The following GALNT15 variants were observed in gnomAD, a reference collection of about 807,000 sequenced individuals.
GALNT15 encodes UDP-GalNAc transferase T15.
Under a neutral mutation model 66.8 loss-of-function variants are expected in GALNT15, and 67 were observed. That is an observed-to-expected ratio of 1.00 (90% CI 0.82 to 1.23). The LOEUF is 1.23. Among genes scored for constraint, GALNT15 ranks in the 50% most tolerant of loss-of-function variants. GALNT15 has a pLI of 0.00. For synonymous variants in GALNT15, 313 were observed against 311.5 expected (o/e 1.00, Z -0.05); for missense variants, 827 against 804.3 (o/e 1.03, Z -0.34).
rs551187633 is a variant in GALNT15 at position 16,200,976 on chromosome 3, TAA to T, written c.911+154_911+155del. Among the ~76,000 whole-genome samples, 705 of 152,282 alleles carry T rather than the reference TAA, an allele frequency of 4.6e-3. 5 individuals are homozygous for T. The highest frequency in any genetic ancestry group is 0.01 in the Middle Eastern group (3 of 294). On this transcript the variant is annotated intron_variant, in intron 3 of 9. Coordinates refer to ENST00000339732, the MANE Select transcript of GALNT15 (RefSeq NM_054110.5). This position sits in a 1 kb window ranked among gnomAD's most constrained non-coding sequence, Gnocchi z 4.4. ...CGGGTTTTCAGATGTGTAAGTTTTTTAAGACTATAGAGTTAGAGTTGGAAAGG... is the reference window on the plus strand; with the variant it reads ...CGGGTTTTCAGATGTGTAAGTTTTTTGACTATAGAGTTAGAGTTGGAAAGG...
chr3:16,216,565 T>A (rs1008963517), intron 6 of GALNT15, among the ~76,000 whole-genome samples: 1 of 151,498 alleles, frequency 6.6e-6, no homozygotes, highest in East Asian at 1.9e-4. Context: ...CAGGGCCAAG[T>A]GGGGGACTTG....
rs1218268641 is a variant in GALNT15 at position 16,209,395 on chromosome 3, AC to A, written c.1079+728del. 6.6e-6 allele frequency among the ~76,000 whole-genome samples: 1 copy of A among 152,106 alleles called. No homozygotes were observed. The highest frequency in any genetic ancestry group is 1.5e-5 in the Non-Finnish European group (1 of 68,014). ...AGTGAGAGGTGAATCCAGAATTTAA[AC>A]CCAGACAGCCAGGCCCTTGAGACGA... On this transcript the variant is annotated intron_variant, in intron 4 of 9. Coordinates refer to ENST00000339732, the MANE Select transcript of GALNT15 (RefSeq NM_054110.5). This position sits in a 1 kb window ranked among gnomAD's most constrained non-coding sequence, Gnocchi z 4.1.
Position 16,220,029 on chromosome 3 carries a change from T to C in GALNT15, c.1629+15T>C, listed in dbSNP as rs1559692800. 1.9e-6 allele frequency: 3 copies of C among 1,585,718 alleles called. No homozygotes were observed. The South Asian group carries it at 3.3e-5, about 18-fold the overall frequency. The stretch of plus-strand genomic sequence containing the variant: ...GGCAGCAACAGGTGGGTAGTCAGAC[T>C]TCTCAGGATGGATGATAGCCCAAGA... On this transcript the variant is annotated intron_variant, in intron 8 of 9. Coordinates refer to ENST00000339732, the MANE Select transcript of GALNT15 (RefSeq NM_054110.5).
chr3:16,221,786 G>T (rs56338451), intron 8 of GALNT15, among the ~76,000 whole-genome samples: 6,411 of 152,234 alleles, frequency 0.042, 227 homozygotes, highest in African/African-American at 0.093. Flanking sequence ...TCTAATATGG[G>T]CTTAGGTTCA....
chr3:16,222,515 C>T (rs2063953632), intron 8 of GALNT15, 100 bp from the exon 9 acceptor site: 3 of 1,398,298 alleles, frequency 2.1e-6, no homozygotes, highest in Non-Finnish European at 3.0e-6. Flanking sequence ...CTGAAGATTG[C>T]CCCTAGACCT....
downstream of GALNT15, among the ~76,000 whole-genome samples, chr3:16,232,642 T>C (rs1267893371): frequency 6.7e-6 from 1 of 149,930 alleles, no homozygotes; most frequent in East Asian, 2.0e-4. Context: ...GAAACAAATA[T>C]AAAAAGAGCA....
rs2063736419 is a variant in GALNT15, at chr3:16,204,434, T to C, written c.911+3611T>C. The stretch of plus-strand genomic sequence containing the variant: ...CACAGTGCGCAACTCCTGTAACTGT[T>C]CATAGCAACCCTACATAGAGTCTCC... On this transcript the variant is annotated intron_variant, in intron 3 of 9. Coordinates refer to ENST00000339732, the MANE Select transcript of GALNT15 (RefSeq NM_054110.5). The surrounding 1 kb of genome is among the most constrained non-coding windows in gnomAD (Gnocchi z 4.5). 6.6e-6 allele frequency among the ~76,000 whole-genome samples: 1 copy of C among 152,210 alleles called. No homozygotes were observed. The highest frequency in any genetic ancestry group is 2.4e-5 in the African/African-American group (1 of 41,454).
rs942049168 is a variant in GALNT15 at position 16,181,309 on chromosome 3, A to G, written c.539+5619A>G. On this transcript the variant is annotated intron_variant, in intron 1 of 9. Coordinates refer to ENST00000339732, the MANE Select transcript of GALNT15 (RefSeq NM_054110.5). The surrounding 1 kb of genome is among the most constrained non-coding windows in gnomAD (Gnocchi z 5.9). ...GGTCTGGGGTGAGGCCTGGGCACCA[A>G]GAGCTTAAAACTCCCCAGGTGGTTC... Among the ~76,000 whole-genome samples the G allele has an allele frequency of 1.3e-5, 2 of 152,174 alleles. No individual in the cohort carries two copies. Among genetic ancestry groups the G allele is most frequent in the Non-Finnish European group, 2.9e-5 (2 of 68,038 alleles).
Position 16,219,495 on chromosome 3 carries a change from G to A in GALNT15, c.1485G>A (p.Glu495=), listed in dbSNP as rs762353916. ...GGTTTCTGGCTAATGTCTACCCTGA[G>A]CTGTACCCATCTGAACCCAGGCCCA... ...FHWFLANVYP[E]LYPSEPRPSF... is the part of the protein sequence containing the mutation. The change falls in exon 7 of 10, where the codon GAG becomes GAA. Residue 495 remains glutamate (E), a synonymous_variant. Coordinates refer to ENST00000339732, the MANE Select transcript of GALNT15 (RefSeq NM_054110.5). This position sits in a 1 kb window ranked among gnomAD's most constrained non-coding sequence, Gnocchi z 4.3. 9.9e-6 allele frequency: 16 copies of A among 1,614,244 alleles called. No homozygotes were observed. The highest frequency in any genetic ancestry group is 1.4e-5 in the Non-Finnish European group (16 of 1,180,044).
intron 1 of GALNT15, among the ~76,000 whole-genome samples, chr3:16,178,791 C>T (rs899908758): frequency 7.9e-5 from 12 of 152,206 alleles, no homozygotes; most frequent in East Asian, 3.8e-4. Context: ...GGCCCTGCAC[C>T]GCTGCTTTCC....
intron 3 of GALNT15, among the ~76,000 whole-genome samples, chr3:16,206,533 C>T (rs558380635): frequency 8.6e-5 from 13 of 151,660 alleles, no homozygotes; most frequent in Middle Eastern, 3.4e-3. Context: ...ATTAGCCGGG[C>T]GTTGTGGCGG....
At chr3:16,218,067 T>A (rs1411026026) in intron 6 of GALNT15, among the ~76,000 whole-genome samples, 2 of 152,214 alleles carry the variant, frequency 1.3e-5, no homozygotes, top group African/African-American at 4.8e-5. Context: ...AACAACTGTA[T>A]CATCTCTGGG....
Position 16,227,806 on chromosome 3 carries a change from T to G in GALNT15, c.*306T>G. 1 of 1,124,930 alleles carries G rather than the reference T, an allele frequency of 8.9e-7. No individual in the cohort carries two copies. Among genetic ancestry groups the G allele is most frequent in the Non-Finnish European group, 1.1e-6 (1 of 918,648 alleles). The allele number at this position is 1,124,930 out of a possible 1,614,324, so 69.7% of individuals were successfully genotyped here. ...TCCACTGAGCACTTAACAATTGCTT[T>G]CTCTCTGGCCTGGACATTCTCTGGC... is the stretch of plus-strand genomic sequence containing the variant. On this transcript the variant is annotated 3_prime_UTR_variant, in exon 10 of 10. Transcript: ENST00000339732. The surrounding 1 kb of genome is among the most constrained non-coding windows in gnomAD (Gnocchi z 4.5).
rs200728312 is a variant in GALNT15, at chr3:16,175,450, C to A, written c.299C>A (p.Ala100Asp). 23 of 1,614,132 alleles carry A rather than the reference C, an allele frequency of 1.4e-5. No individual in the cohort carries two copies. The highest frequency in any genetic ancestry group is 7.7e-5 in the South Asian group (7 of 91,082). ...LREDQLLVAV[A>D]LPQARRNQSQ... is the part of the protein sequence containing the mutation. ...GAGGATCAGCTGCTGGTGGCCGTGGCCTTACCCCAGGCCAGAAGGAACCAG... is the reference window on the plus strand; with the variant it reads ...GAGGATCAGCTGCTGGTGGCCGTGGACTTACCCCAGGCCAGAAGGAACCAG... Residue 100 changes from alanine to aspartate, a missense_variant, in exon 1 of 10, where the codon GCC (alanine) becomes GAC (aspartate). By Grantham distance (126) the Ala-to-Asp change is moderately radical (BLOSUM62 -2). Coordinates refer to ENST00000339732, the MANE Select transcript of GALNT15 (RefSeq NM_054110.5). The surrounding 1 kb of genome is among the most constrained non-coding windows in gnomAD (Gnocchi z 5.6).
intron 4 of GALNT15, among the ~76,000 whole-genome samples, chr3:16,210,827 G>C (rs569975702): frequency 7.0e-4 from 107 of 152,340 alleles, no homozygotes; most frequent in Non-Finnish European, 1.3e-3. Context: ...TTTCCAGAGG[G>C]ACTCAAGCCA....
rs190464993 is a variant in GALNT15 at position 16,179,774 on chromosome 3, G to A, written c.539+4084G>A. ...AAATGGTTGTGCTGTGGGAAAGGGA[G>A]GGTCCTCGGGGCAGAGGTGGGGATA... On this transcript the variant is annotated intron_variant, in intron 1 of 9. Coordinates refer to ENST00000339732, the MANE Select transcript of GALNT15 (RefSeq NM_054110.5). 6.4e-4 allele frequency among the ~76,000 whole-genome samples: 98 copies of A among 152,354 alleles called. 1 individual carries two copies. The highest frequency in any genetic ancestry group is 4.8e-3 in the Admixed American group (73 of 15,298).
chr3:16,194,032 A>G (rs1343971440), intron 1 of GALNT15, among the ~76,000 whole-genome samples: 1 of 152,188 alleles, frequency 6.6e-6, no homozygotes, highest in Non-Finnish European at 1.5e-5. Context: ...GGGAAATGCA[A>G]ACACCCCTGC....
In GALNT15 at chr3:16,193,358, C is replaced by T. The variant is rs1484453694; in HGVS notation, c.540-2402C>T. On this transcript the variant is annotated intron_variant, in intron 1 of 9. Coordinates refer to ENST00000339732, the MANE Select transcript of GALNT15 (RefSeq NM_054110.5). This position sits in a 1 kb window ranked among gnomAD's most constrained non-coding sequence, Gnocchi z 4.7. ...TTTACTTATATTCCTCAGCTCCTGA[C>T]TTTTCTTCCTTATTTTTATTTTACC... Among the ~76,000 whole-genome samples the T allele has an allele frequency of 6.6e-6, 1 of 152,126 alleles. No individual in the cohort carries two copies. Among genetic ancestry groups the T allele is most frequent in the Non-Finnish European group, 1.5e-5 (1 of 68,012 alleles).
At chr3:16,194,507 C>A (rs1043186403) in intron 1 of GALNT15, among the ~76,000 whole-genome samples, 2 of 152,158 alleles carry the variant, frequency 1.3e-5, no homozygotes, top group African/African-American at 4.8e-5. Flanking sequence ...TCTGATATTT[C>A]TTTTGCTGTG....
Sources: gnomAD v4.1 joint callset for allele counts (sites outside exome capture counted in the v4.1 genomes callset) on GRCh38, gnomAD v4.1.1 for gene constraint, Gnocchi (gnomAD v3.1) non-coding constraint, MANE v1.5 for transcripts, NCBI Gene and HGNC (gene_info 2026-07-23, HGNC 2026-07-21) for gene names.